Variants in DLC1 observed in about 807,000 individuals in gnomAD.
DLC1 encodes DLC1 Rho GTPase activating protein.
In DLC1, 54 loss-of-function variants were observed where a neutral mutation model predicts 140.3. That is an observed-to-expected ratio of 0.38 (90% CI 0.31 to 0.48). The LOEUF (loss-of-function observed/expected upper bound fraction) is 0.48. Among genes scored for constraint, DLC1 ranks in the 20% least tolerant of loss-of-function variants. The probability of loss-of-function intolerance (pLI) is 0.96; values close to 1 mark genes in which losing one functional copy is unlikely to be tolerated. For missense variants in DLC1, 2,536 were observed against 1,907.0 expected, an observed-to-expected ratio of 1.33 and a Z score of -6.14; for synonymous variants, 986 against 728.1, an observed-to-expected ratio of 1.35 and a Z score of -5.70.
intron 4 of DLC1, among the ~76,000 whole-genome samples, chr8:13,332,432 G>C (rs1671375): frequency 0.86 from 128,351 of 149,968 alleles, 55,343 homozygotes; most frequent in East Asian, 0.95. Context: ...ATTTTCTTTT[G>C]TCTTTTTTTT....
At chr8:13,489,511 C>A (rs1247170775) in intron 2 of DLC1, among the ~76,000 whole-genome samples, 1 of 150,924 alleles carries the variant, frequency 6.6e-6, no homozygotes, top group African/African-American at 2.4e-5. Flanking sequence ...TACACAGACA[C>A]TTTTAACTAC....
intron 4 of DLC1, among the ~76,000 whole-genome samples, chr8:13,333,577 T>A (rs1160799862): frequency 6.6e-6 from 1 of 152,192 alleles, no homozygotes; most frequent in African/African-American, 2.4e-5. Flanking sequence ...AGACTGAAAC[T>A]GCTTAACGAG....
intron 5 of DLC1, among the ~76,000 whole-genome samples, chr8:13,176,614 T>C (rs879873695): frequency 6.6e-6 from 1 of 151,964 alleles, no homozygotes; most frequent in Admixed American, 6.6e-5. Flanking sequence ...TCTTTTTGAT[T>C]AAAAAAAGGT....
At chr8:13,375,027 A>ATT (rs35721536) in intron 4 of DLC1, among the ~76,000 whole-genome samples, 2,376 of 134,002 alleles carry the variant, frequency 0.018, 79 homozygotes, top group African/African-American at 0.054. Flanking sequence ...AATGCTTGTG[A>ATT]TTTTTTTTTT....
intron 1 of DLC1, chr8:13,559,043 G>T (rs986115345): frequency 1.9e-4 from 29 of 152,224 alleles, no homozygotes; most frequent in African/African-American, 6.5e-4. Flanking sequence ...TTTGGTGCAT[G>T]AAATTTAGCT....
intron 4 of DLC1, among the ~76,000 whole-genome samples, chr8:13,364,055 G>A (rs762391992): frequency 1.3e-4 from 20 of 152,102 alleles, no homozygotes; most frequent in Non-Finnish European, 2.6e-4. Context: ...GTGTGCGCAC[G>A]TGCACACGCA....
At chr8:13,188,801 GTATATATATATATATATATATATATGTA>G (rs1418026626) in intron 5 of DLC1, among the ~76,000 whole-genome samples, 2 of 71,882 alleles carry the variant, frequency 2.8e-5, no homozygotes, top group Admixed American at 1.7e-4. Flanking sequence ...GTGTGTGTGT[GTATATATATATATATATATATATATGTA>G]TATATATATA....
chr8:13,413,872 C>G (rs939571539), intron 2 of DLC1, among the ~76,000 whole-genome samples: 4 of 152,126 alleles, frequency 2.6e-5, no homozygotes, highest in Admixed American at 1.3e-4. Context: ...CAAGTAGTAT[C>G]TGTATAGCAA....
intron 1 of DLC1, among the ~76,000 whole-genome samples, chr8:13,553,813 C>A (rs555462968): frequency 6.6e-6 from 1 of 152,122 alleles, no homozygotes; most frequent in African/African-American, 2.4e-5. Context: ...CCAAGTCCTC[C>A]GCATTAAAAA....
chr8:13,156,531 T>G (rs369043278), intron 5 of DLC1, among the ~76,000 whole-genome samples: 9 of 152,330 alleles, frequency 5.9e-5, no homozygotes, highest in African/African-American at 1.9e-4. Flanking sequence ...ATATTTTCTC[T>G]CGGAAATTCT....
At chr8:13,337,154 T>C (rs1833841869) in intron 4 of DLC1, among the ~76,000 whole-genome samples, 1 of 152,178 alleles carries the variant, frequency 6.6e-6, no homozygotes, top group South Asian at 2.1e-4. Context: ...TTAATTTCTC[T>C]ACAGTTTTGC....
At chr8:13,388,281 A>T (rs1836609187) in intron 4 of DLC1, among the ~76,000 whole-genome samples, 1 of 151,964 alleles carries the variant, frequency 6.6e-6, no homozygotes, top group Non-Finnish European at 1.5e-5. Flanking sequence ...TTTCAGTGGC[A>T]ATAATGAACA....
intron 4 of DLC1, among the ~76,000 whole-genome samples, chr8:13,313,811 T>C (rs1385197616): frequency 6.6e-6 from 1 of 152,214 alleles, no homozygotes; most frequent in Non-Finnish European, 1.5e-5. Context: ...TTATTTTCCC[T>C]AAGTTTTATA....
intron 1 of DLC1, among the ~76,000 whole-genome samples, chr8:13,526,667 C>T (rs1461546518): frequency 6.6e-6 from 1 of 151,852 alleles, no homozygotes; most frequent in Non-Finnish European, 1.5e-5. Flanking sequence ...CAAACTATCG[C>T]AAGGACAGAA....
intron 5 of DLC1, among the ~76,000 whole-genome samples, chr8:13,167,012 C>G (rs1188585033): frequency 6.6e-6 from 1 of 152,144 alleles, no homozygotes; most frequent in Non-Finnish European, 1.5e-5. Flanking sequence ...CCTAGTTCAT[C>G]TCCTTTCAAA....
intron 5 of DLC1, among the ~76,000 whole-genome samples, chr8:13,141,501 G>C (rs1822990508): frequency 6.6e-6 from 1 of 152,106 alleles, no homozygotes; most frequent in African/African-American, 2.4e-5. Context: ...AAAAAGAATG[G>C]ACTCACTCAT....
chr8:13,363,053 C>T (rs187334063), intron 4 of DLC1, among the ~76,000 whole-genome samples: 4 of 152,104 alleles, frequency 2.6e-5, no homozygotes, highest in Non-Finnish European at 5.9e-5. Context: ...TATGGGCATA[C>T]AATATTGGTC....
intron 5 of DLC1, among the ~76,000 whole-genome samples, chr8:13,174,678 T>C (rs184111736): frequency 2.0e-4 from 30 of 152,352 alleles, no homozygotes; most frequent in Non-Finnish European, 3.2e-4. Flanking sequence ...AAGAAGCATC[T>C]GTTCATGTCC....
intron 5 of DLC1, among the ~76,000 whole-genome samples, chr8:13,259,043 A>C (rs1313425947): frequency 6.0e-5 from 9 of 150,294 alleles, no homozygotes; most frequent in Admixed American, 5.3e-4. Flanking sequence ...AGGCTGAGGC[A>C]GGAGAATGGC....
Sources: gnomAD v4.1 joint callset for allele counts (sites outside exome capture counted in the v4.1 genomes callset) on GRCh38, gnomAD v4.1.1 for gene constraint, MANE v1.5 for transcripts, NCBI Gene and HGNC (gene_info 2026-07-23, HGNC 2026-07-21) for gene names.